GCNT2: variants seen among roughly 807,000 people sequenced by gnomAD.
GCNT2 encodes N-acetyllactosaminide beta-1,6-N-acetylglucosaminyl-transferase.
A neutral mutation model predicts 34.2 loss-of-function variants in GCNT2; 34 were observed. The observed-to-expected ratio is 1.00, with a 90% CI of 0.76 to 1.32. The LOEUF is 1.32. Among genes scored for constraint, GCNT2 ranks in the 40% most tolerant of loss-of-function variants. GCNT2 has a pLI of 0.00. For missense variants in GCNT2, 584 were observed against 489.4 expected (o/e 1.19, Z -1.82); for synonymous variants, 212 against 188.0 (o/e 1.13, Z -1.04).
intron 3 of GCNT2, among the ~76,000 whole-genome samples, chr6:10,572,728 C>T (rs1180083925): frequency 2.0e-5 from 3 of 150,762 alleles, no homozygotes; most frequent in South Asian, 4.2e-4. Flanking sequence ...AGCGAGACTC[C>T]GTCTCAAAAA....
intron 3 of GCNT2, among the ~76,000 whole-genome samples, chr6:10,583,199 TAATATCCAAATC>T (rs1207908433): frequency 6.6e-5 from 10 of 152,288 alleles, no homozygotes; most frequent in African/African-American, 2.4e-4. Flanking sequence ...CTCACCAAAT[TAATATCCAAATC>T]AATATCCATC....
intron 3 of GCNT2, among the ~76,000 whole-genome samples, chr6:10,560,076 G>A (rs940444024): frequency 6.6e-6 from 1 of 152,122 alleles, no homozygotes; most frequent in Non-Finnish European, 1.5e-5. Flanking sequence ...CCACACAGCC[G>A]TTAATCAATA....
At chr6:10,576,960 G>C (rs1763847868) in intron 3 of GCNT2, among the ~76,000 whole-genome samples, 2 of 152,132 alleles carry the variant, frequency 1.3e-5, no homozygotes, top group Admixed American at 1.3e-4. Context: ...AGTGCCTGTA[G>C]TCTCAGCTAC....
intron 3 of GCNT2, among the ~76,000 whole-genome samples, chr6:10,568,803 A>C (rs1006150417): frequency 2.0e-5 from 3 of 152,004 alleles, no homozygotes; most frequent in African/African-American, 7.2e-5. Flanking sequence ...CCTTTTCTTC[A>C]TGTCACCCTC....
intron 3 of GCNT2, among the ~76,000 whole-genome samples, chr6:10,617,750 CTTT>C (rs3064178): frequency 0.45 from 44,973 of 100,614 alleles, 9,425 homozygotes; most frequent in East Asian, 0.57. Context: ...TGCATTTCTT[CTTT>C]TTTTTTTTTT....
At position 10,528,896 on chromosome 6, in the gene GCNT2, C is replaced by T. The variant is rs766080904; in HGVS notation, c.-16C>T. ...TATCTCAAGAGAGAGATATTTTACTCATTTCCTGGTTGTGAATGATGGGCT... is the reference window on the plus strand; with the variant it reads ...TATCTCAAGAGAGAGATATTTTACTTATTTCCTGGTTGTGAATGATGGGCT... On this transcript the variant is annotated 5_prime_UTR_variant, in exon 3 of 5. Transcript: ENST00000495262. The T allele has an allele frequency of 6.9e-6, 11 of 1,583,820 alleles. No homozygotes were observed. Among genetic ancestry groups the T allele is most frequent in the South Asian group, 1.1e-5 (1 of 90,504 alleles).
At chr6:10,619,569 G>T (rs1268332292) in intron 3 of GCNT2, 2 of 152,182 alleles carry the variant, frequency 1.3e-5, no homozygotes, top group Non-Finnish European at 2.9e-5. Flanking sequence ...GCCCAGGCTG[G>T]TCTCGGACTC....
chr6:10,524,251 CTTTT>C (rs77144347), intron 1 of GCNT2, among the ~76,000 whole-genome samples: 1 of 131,588 alleles, frequency 7.6e-6, no homozygotes. Context: ...TAATCCAGGG[CTTTT>C]TTTTTTTTTT....
chr6:10,533,804 A>AG (rs1181610915), intron 3 of GCNT2, among the ~76,000 whole-genome samples: 1 of 73,230 alleles, frequency 1.4e-5, no homozygotes, highest in African/African-American at 3.9e-5. Context: ...CTGTCTCAAA[A>AG]AAAAAAAAAA....
intron 1 of GCNT2, among the ~76,000 whole-genome samples, chr6:10,526,515 T>A (rs1478351717): frequency 2.6e-5 from 4 of 152,020 alleles, no homozygotes; most frequent in African/African-American, 9.7e-5. Context: ...CTATGGAAAA[T>A]GTTATTGTAT....
chr6:10,586,097 G>A, intron 3 of GCNT2: 1 of 1,614,134 alleles, frequency 6.2e-7, no homozygotes, highest in Non-Finnish European at 8.5e-7. Flanking sequence ...ATGAGAAGCT[G>A]AACAGTTCCA....
intron 3 of GCNT2, among the ~76,000 whole-genome samples, chr6:10,596,554 C>T (rs891217747): frequency 6.6e-6 from 1 of 151,912 alleles, no homozygotes; most frequent in South Asian, 2.1e-4. Context: ...TCTTGGCCTC[C>T]GTTTTTCTGG....
At chr6:10,584,012 CAG>C (rs914701070) in intron 3 of GCNT2, among the ~76,000 whole-genome samples, 1 of 152,064 alleles carries the variant, frequency 6.6e-6, no homozygotes, top group African/African-American at 2.4e-5. Flanking sequence ...AAATAAGACA[CAG>C]AGACAAAGTA....
chr6:10,533,387 G>GC (rs1761591763), intron 3 of GCNT2, among the ~76,000 whole-genome samples: 1 of 152,212 alleles, frequency 6.6e-6, no homozygotes, highest in Admixed American at 6.5e-5. Flanking sequence ...GAACAGCACT[G>GC]CCCAATAGGA....
chr6:10,594,922 T>C (rs889740859), intron 3 of GCNT2, among the ~76,000 whole-genome samples: 2 of 151,786 alleles, frequency 1.3e-5, no homozygotes, highest in African/African-American at 2.4e-5. Context: ...CACGGCTCAC[T>C]GTAGCCTCGA....
intron 3 of GCNT2, among the ~76,000 whole-genome samples, chr6:10,562,637 A>G (rs546840015): frequency 7.1e-6 from 1 of 140,850 alleles, no homozygotes; most frequent in South Asian, 2.4e-4. Context: ...GGATCACTTG[A>G]CAGAGTCAGA....
chr6:10,557,048 A>T (rs748603355), intron 3 of GCNT2: 1 of 1,611,770 alleles, frequency 6.2e-7, no homozygotes, highest in Admixed American at 1.7e-5. Flanking sequence ...GAAAGGATTT[A>T]AAGGTAAAAA....
Position 10,566,259 on chromosome 6 carries a change from G to T in GCNT2, c.925+36423G>T, listed in dbSNP as rs542877458. ...CTGATTCTCACTCATCTGGACTCCC[G>T]TACAACGTTGTACTATTATTGGTCT... On this transcript the variant is annotated intron_variant, in intron 3 of 4. Coordinates refer to ENST00000495262, the MANE Select transcript of GCNT2 (RefSeq NM_145649.5). Among the ~76,000 whole-genome samples the T allele has an allele frequency of 3.3e-5, 5 of 150,882 alleles. No individual in the cohort carries two copies. The East Asian group carries it at 9.7e-4, about 29-fold the overall frequency.
At position 10,529,617 on chromosome 6, in the gene GCNT2, C is replaced by G; in HGVS notation, c.706C>G (p.Leu236Val). Residue 236 changes from leucine (L) to valine (V), a missense_variant, in exon 3 of 5, where the codon CTG becomes GTG. Physicochemically the swap from Leu to Val is conservative, Grantham distance 32. Coordinates refer to ENST00000495262, the MANE Select transcript of GCNT2 (RefSeq NM_145649.5). ...ACGGACTAAATACGTCCACCAAGAA[C>G]TGTTAAACCACAAAAATTCCTACGT... ...VGRTKYVHQELLNHKNSYVIK... is the reference protein window; with the variant it reads ...VGRTKYVHQEVLNHKNSYVIK... 6.2e-7 allele frequency: 1 copy of G among 1,614,142 alleles called. No individual in the cohort carries two copies. The highest frequency in any genetic ancestry group is 8.5e-7 in the Non-Finnish European group (1 of 1,179,972).
Sources: allele counts gnomAD v4.1 joint callset (sites outside exome capture counted in the v4.1 genomes callset), GRCh38; gene constraint gnomAD v4.1.1; transcripts MANE v1.5; gene names NCBI Gene and HGNC (gene_info 2026-07-23, HGNC 2026-07-21).